XKR9: variants seen among roughly 807,000 people sequenced by gnomAD.
XKR9 encodes XK-related protein 9.
A neutral mutation model predicts 32.0 loss-of-function variants in XKR9; 32 were observed. That is an observed-to-expected ratio of 1.00 (90% confidence interval 0.76 to 1.34). The LOEUF (loss-of-function observed/expected upper bound fraction) is 1.34. Ranked by LOEUF, XKR9 falls within the 40% of genes most tolerant of loss-of-function variation. The pLI is 0.00. For missense variants in XKR9, 546 were observed against 429.7 expected (o/e 1.27, Z -2.39); for synonymous variants, 168 against 143.4 (o/e 1.17, Z -1.22).
intron 2 of XKR9, among the ~76,000 whole-genome samples, chr8:70,742,144 A>G (rs1806995894): frequency 6.6e-6 from 1 of 152,178 alleles, no homozygotes. Context: ...TAACATCCAG[A>G]GTATATAAAT....
chr8:70,885,355 A>G, the XKR9 span, among the ~76,000 whole-genome samples: 1 of 152,174 alleles, frequency 6.6e-6, no homozygotes, highest in Non-Finnish European at 1.5e-5. Context: ...GTTGATTATT[A>G]ATAAAACTAC....
chr8:71,054,825 T>C, the XKR9 span, among the ~76,000 whole-genome samples: 1 of 152,220 alleles, frequency 6.6e-6, no homozygotes, highest in Non-Finnish European at 1.5e-5. Flanking sequence ...TAAGCAACTC[T>C]GCGCAGGTGT....
the XKR9 span, among the ~76,000 whole-genome samples, chr8:70,812,563 C>G: frequency 4.6e-5 from 7 of 152,188 alleles, no homozygotes; most frequent in African/African-American, 1.7e-4. Flanking sequence ...AGCCCAAAAT[C>G]TCCTTAAGCT....
chr8:70,870,233 A>G, the XKR9 span, among the ~76,000 whole-genome samples: 30 of 152,218 alleles, frequency 2.0e-4, no homozygotes, highest in African/African-American at 7.0e-4. Flanking sequence ...AGTTATGATA[A>G]TTTATTAATA....
the XKR9 span, among the ~76,000 whole-genome samples, chr8:70,861,943 A>G: frequency 6.6e-6 from 1 of 152,292 alleles, no homozygotes; most frequent in East Asian, 1.9e-4. Context: ...AAGTAAATAT[A>G]TGTAGTTTTG....
chr8:70,769,447 G>A (rs181345976), intron 2 of XKR9, among the ~76,000 whole-genome samples: 2 of 152,110 alleles, frequency 1.3e-5, no homozygotes, highest in African/African-American at 2.4e-5. Context: ...GTATCTTAAT[G>A]ATGTTCCCTG....
At chr8:70,792,059 A>G (rs1445786429), downstream of XKR9, among the ~76,000 whole-genome samples, 1 of 152,044 alleles carries the variant, frequency 6.6e-6, no homozygotes, top group Non-Finnish European at 1.5e-5. Context: ...TTAAGAAAGG[A>G]TCAGTTATTC....
At chr8:70,960,887 A>G in the XKR9 span, among the ~76,000 whole-genome samples, 6 of 151,898 alleles carry the variant, frequency 4.0e-5, no homozygotes, top group Non-Finnish European at 5.9e-5. Context: ...AAAAAAAAAA[A>G]AAGAAGGAAA....
chr8:70,791,348 A>G (rs1053187318), downstream of XKR9, among the ~76,000 whole-genome samples: 11 of 151,970 alleles, frequency 7.2e-5, no homozygotes, highest in African/African-American at 2.7e-4. Context: ...AATCAATGGC[A>G]TATTTTTCTT....
At chr8:70,834,650 C>A in the XKR9 span, among the ~76,000 whole-genome samples, 3 of 151,906 alleles carry the variant, frequency 2.0e-5, no homozygotes. Flanking sequence ...TTTTAACTAC[C>A]AGAAGAAGGT....
rs369388439 is a variant in XKR9, at chr8:70,776,923, T to TTCTCTCTCTCTCTCTCTCTCTCTC, written n.353-12414_353-12391dup. 1.3e-4 allele frequency among the ~76,000 whole-genome samples: 8 copies of TTCTCTCTCTCTCTCTCTCTCTCTC among 59,620 alleles called. 1 individual carries two copies. Among genetic ancestry groups the TTCTCTCTCTCTCTCTCTCTCTCTC allele is most frequent in the African/African-American group, 4.4e-4 (6 of 13,720 alleles). The allele number at this position is 59,620 out of a possible 152,430, so 39.1% of individuals were successfully genotyped here. A position where few individuals can be genotyped will look rare whatever the true frequency, so the allele number is the denominator to read the frequency against. ...TGCATTTAGCAGGTTTTCTCTTTCTTTCTCTCTCTCTCTCTCTCTCTCTCT... is the reference window on the plus strand; with the variant it reads ...TGCATTTAGCAGGTTTTCTCTTTCTTTCTCTCTCTCTCTCTCTCTCTCTCTCTCTCTCTCTCTCTCTCTCTCTCT... On this transcript the variant is annotated intron_variant and non_coding_transcript_variant, in intron 2 of 3. Coordinates refer to the XKR9 transcript ENST00000520273.
Position 70,669,956 on chromosome 8 carries a change from A to T in XKR9, c.-361+418A>T, listed in dbSNP as rs548573846. Among the ~76,000 whole-genome samples, 6 of 152,250 alleles carry T rather than the reference A, an allele frequency of 3.9e-5. No individual in the cohort carries two copies. In the South Asian group the frequency reaches 1.0e-3, roughly 26 times the overall value. The stretch of plus-strand genomic sequence containing the variant: ...GCTGGGATTACAGGCGTGAGCTACC[A>T]CGCCGGGCCAGCCTGTTCATCTTTT... On this transcript the variant is annotated intron_variant, in intron 1 of 4. Transcript: ENST00000408926.
chr8:70,751,822 C>T (rs971315417), intron 2 of XKR9, among the ~76,000 whole-genome samples: 1 of 152,176 alleles, frequency 6.6e-6, no homozygotes, highest in African/African-American at 2.4e-5. Flanking sequence ...TTCCCTTGTT[C>T]TCACACCTTT....
chr8:70,755,776 G>A (rs1049772754), intron 2 of XKR9, among the ~76,000 whole-genome samples: 7 of 142,994 alleles, frequency 4.9e-5, no homozygotes, highest in Non-Finnish European at 9.2e-5. Flanking sequence ...GGGGGAGGGG[G>A]GGAGGGTTAG....
the XKR9 span, among the ~76,000 whole-genome samples, chr8:70,923,548 T>C: frequency 1.3e-5 from 2 of 152,182 alleles, no homozygotes; most frequent in Non-Finnish European, 2.9e-5. Flanking sequence ...GTTCTGAGAG[T>C]TGCCCTAGCA....
At chr8:70,846,750 CAG>C in the XKR9 span, among the ~76,000 whole-genome samples, 1 of 151,848 alleles carries the variant, frequency 6.6e-6, no homozygotes, top group Admixed American at 6.6e-5. Flanking sequence ...ACCAATAAAA[CAG>C]AATTTAAATA....
chr8:70,851,351 T>C, the XKR9 span, among the ~76,000 whole-genome samples: 21 of 152,296 alleles, frequency 1.4e-4, no homozygotes, highest in African/African-American at 4.3e-4. Flanking sequence ...AAAATGGCCA[T>C]ACTGCCCAAA....
At chr8:70,825,739 T>C in the XKR9 span, among the ~76,000 whole-genome samples, 1 of 152,098 alleles carries the variant, frequency 6.6e-6, no homozygotes, top group Non-Finnish European at 1.5e-5. Context: ...TTTTAATAGA[T>C]AAGCCATGGG....
chr8:70,707,723 G>A lies in XKR9; in HGVS notation c.493+570G>A, dbSNP rs73300847. Among the ~76,000 whole-genome samples, 362 of 152,122 alleles carry A rather than the reference G, an allele frequency of 2.4e-3. 3 individuals carry two copies. The highest frequency in any genetic ancestry group is 8.5e-3 in the African/African-American group (352 of 41,538). On this transcript the variant is annotated intron_variant, in intron 4 of 4. Transcript: ENST00000408926. ...AAATTCCCAGAAGTGGAATTACTGG[G>A]TAAGAGTGTAAATGCTAAAAAACTA...
Sources: allele counts gnomAD v4.1 joint callset (sites outside exome capture counted in the v4.1 genomes callset), GRCh38; gene constraint gnomAD v4.1.1; transcripts MANE v1.5; gene names NCBI Gene and HGNC (gene_info 2026-07-23, HGNC 2026-07-21).